The following MUC5AC variants were observed in gnomAD, a reference collection of about 807,000 sequenced individuals.
MUC5AC encodes the protein mucin-5AC.
MUC5AC carries 158 observed loss-of-function variants against 169.7 expected under a neutral mutation model. The ratio of observed to expected loss-of-function variants is 0.93; its 90% confidence interval spans 0.82 to 1.06. The LOEUF (loss-of-function observed/expected upper bound fraction) is 1.06, where lower values mean the gene tolerates loss of function less well. Among genes scored for constraint, MUC5AC ranks in the 50% least tolerant of loss-of-function variants. The pLI is 0.00. For missense variants in MUC5AC, 4,359 were observed against 3,089.9 expected, an observed-to-expected ratio of 1.41 and a Z score of -9.74; for synonymous variants, 1,975 against 1,237.0, an observed-to-expected ratio of 1.60 and a Z score of -12.52.
In MUC5AC at chr11:1,190,640, AACAACCAGCACAAACTCTGCTCCT is replaced by A; in HGVS notation, c.12509_12532del (p.Asn4170_Thr4177del). On this transcript the variant is annotated inframe_deletion, in exon 31 of 49. Transcript: ENST00000621226. Reference sequence around the variant, plus strand: ...CTACAACCAGCACAACCTCTGCTCCAACAACCAGCACAAACTCTGCTCCTACAACCAGCACAATCTCTGCCTCTA... The same window carrying A: ...CTACAACCAGCACAACCTCTGCTCCAACAACCAGCACAATCTCTGCCTCTA... The A allele has an allele frequency of 1.6e-6, 1 of 643,386 alleles. No homozygotes were observed. The highest frequency in any genetic ancestry group is 3.0e-5 in the East Asian group (1 of 33,324). 39.9% of individuals were successfully genotyped at this position (643,386 alleles called of 1,614,324 possible). A position where few individuals can be genotyped will look rare whatever the true frequency, so the allele number is the denominator to read the frequency against.
At position 1,195,950 on chromosome 11, in the gene MUC5AC, T is replaced by G. The variant is rs1248558730; in HGVS notation, c.15533T>G (p.Met5178Arg). The G allele has an allele frequency of 1.3e-6, 1 of 749,358 alleles. No homozygotes were observed. The highest frequency in any genetic ancestry group is 2.4e-6 in the Non-Finnish European group (1 of 408,276). The allele number at this position is 749,358 out of a possible 1,614,324, so 46.4% of individuals were successfully genotyped here. Residue 5178 changes from methionine to arginine, a missense_variant, in exon 37 of 49, where the codon ATG becomes AGG. Coordinates refer to ENST00000621226, the MANE Select transcript of MUC5AC (RefSeq NM_001304359.2). Reference sequence around the variant, plus strand: ...GGCTGCGTCTTTGACCGGTGCCACATGACGGACCTGGATGTGGTGTGCTCC... The same window carrying G: ...GGCTGCGTCTTTGACCGGTGCCACAGGACGGACCTGGATGTGGTGTGCTCC... ...YEGCVFDRCH[M>R]TDLDVVCSSL...
intron 16 of MUC5AC, among the ~76,000 whole-genome samples, chr11:1,173,101 CTCAT>C (rs1206168238): frequency 0.32 from 47,964 of 150,044 alleles, 9,334 homozygotes; most frequent in African/African-American, 0.56. Context: ...CACTCACTCA[CTCAT>C]TCATTCACTC....
At position 1,197,957 on chromosome 11, in the gene MUC5AC, C is replaced by T. The variant is rs765361615; in HGVS notation, c.16088C>T (p.Ala5363Val). ...GTGGGCTGTCCTGAGGGCGCCCGCG[C>T]GATCCCGACCTACCAGGAGGGGGCC... Reference protein sequence around the residue: ...APVGCPEGARAIPTYQEGACC... With the variant: ...APVGCPEGARVIPTYQEGACC... The change falls in exon 42 of 49, where the codon GCG becomes GTG. Residue 5363 changes from alanine to valine, a missense_variant. Transcript: ENST00000621226. 4.8e-5 allele frequency: 35 copies of T among 736,016 alleles called. No individual in the cohort carries two copies. Among genetic ancestry groups the T allele is most frequent in the Admixed American group, 2.5e-4 (14 of 55,354 alleles). The allele number at this position is 736,016 out of a possible 1,614,324, so 45.6% of individuals were successfully genotyped here. A position where few individuals can be genotyped will look rare whatever the true frequency, so the allele number is the denominator to read the frequency against.
At chr11:1,198,142 G>A (rs997120418) in intron 42 of MUC5AC, 126 bp from the exon 43 acceptor site, 4 of 685,884 alleles carry the variant, frequency 5.8e-6, no homozygotes, top group South Asian at 3.0e-5. Context: ...CCGCAGAGAT[G>A]AGGCTGGACA....
At position 1,183,800 on chromosome 11, in the gene MUC5AC, A is replaced by C; in HGVS notation, c.5655A>C (p.Thr1885=). The C allele has an allele frequency of 2.3e-6, 1 of 429,178 alleles. No individual in the cohort carries two copies. The allele number at this position is 429,178 out of a possible 1,614,324, so 26.6% of individuals were successfully genotyped here. Residue 1885 remains threonine (T), a synonymous_variant, in exon 31 of 49, where the codon ACA becomes ACC. Coordinates refer to ENST00000621226, the MANE Select transcript of MUC5AC (RefSeq NM_001304359.2). ...QASGSSAPSS[T]PGTVSLSTAR... is the part of the protein sequence containing the mutation. ...CAGGCTCCTCAGCCCCCAGCAGCAC[A>C]CCTGGCACCGTGTCTCTCTCTACAG...
At chr11:1,175,354 C>CA (rs1165828212) in intron 19 of MUC5AC, 84 bp downstream of exon 19, 37 of 398,490 alleles carry the variant, frequency 9.3e-5, no homozygotes, top group African/African-American at 6.8e-4. Context: ...GGGTTAGCCC[C>CA]ACCACAAGTC....
At chr11:1,198,346 G>A (rs773480773) in intron 43 of MUC5AC, 41 bp downstream of exon 43, 9 of 725,882 alleles carry the variant, frequency 1.2e-5, no homozygotes, top group Admixed American at 7.5e-5. Flanking sequence ...CCATAGGGAC[G>A]GAGCTTCCCA....
Position 1,196,376 on chromosome 11 carries a change from C to A in MUC5AC, c.15638-12C>A. On this transcript the variant is annotated splice_polypyrimidine_tract_variant and intron_variant, in intron 37 of 48. Coordinates refer to ENST00000621226, the MANE Select transcript of MUC5AC (RefSeq NM_001304359.2). ...CTCCCACCCTCTCAGGTGTGGCTTC[C>A]CCTCCCCACAGCATTCACCTGCCCA... The A allele has an allele frequency of 1.3e-6, 1 of 764,580 alleles. No homozygotes were observed. The highest frequency in any genetic ancestry group is 2.4e-5 in the East Asian group (1 of 41,226). The allele number at this position is 764,580 out of a possible 1,614,324, so 47.4% of individuals were successfully genotyped here.
Position 1,179,098 on chromosome 11 carries a change from C to T in MUC5AC, c.3334C>T (p.Pro1112Ser), listed in dbSNP as rs1027801962. 6 of 565,068 alleles carry T rather than the reference C, an allele frequency of 1.1e-5. 1 individual carries two copies. In the African/African-American group the frequency reaches 1.1e-4, roughly 11 times the overall value. The allele number at this position is 565,068 out of a possible 1,614,324, so 35.0% of individuals were successfully genotyped here. A position where few individuals can be genotyped will look rare whatever the true frequency, so the allele number is the denominator to read the frequency against. Residue 1112 changes from proline to serine, a missense_variant, in exon 26 of 49, where the codon CCG becomes TCG. Physicochemically the swap from Pro to Ser is moderately conservative, Grantham distance 74 (BLOSUM62 -1). Transcript: ENST00000621226. ...TFAACHAHVE[P>S]ARYYEACVND... ...GAAGCCCCGTCTCCCTCAGGTGGAGCCGGCCAGGTACTACGAGGCCTGCGT... is the reference window on the plus strand; with the variant it reads ...GAAGCCCCGTCTCCCTCAGGTGGAGTCGGCCAGGTACTACGAGGCCTGCGT...
Position 1,186,869 on chromosome 11 carries a change from A to G in MUC5AC, c.8724A>G (p.Thr2908=). Reference sequence around the variant, plus strand: ...CAACCTCTGCTCCTACAACCAGCACAACCTCTGCCCCTACAACCAGCACAA... The same window carrying G: ...CAACCTCTGCTCCTACAACCAGCACGACCTCTGCCCCTACAACCAGCACAA... The part of the protein sequence containing the change: ...TRTTSAPTTS[T]TSAPTTSTTS... The change falls in exon 31 of 49, where the codon ACA becomes ACG. Residue 2908 remains threonine (T), a synonymous_variant. Coordinates refer to ENST00000621226, the MANE Select transcript of MUC5AC (RefSeq NM_001304359.2). 3 of 733,144 alleles carry G rather than the reference A, an allele frequency of 4.1e-6. No individual in the cohort carries two copies. In the South Asian group the frequency reaches 4.2e-5, roughly 10 times the overall value. 45.4% of individuals were successfully genotyped at this position (733,144 alleles called of 1,614,324 possible).
In MUC5AC at chr11:1,158,048, G is replaced by A. The variant is rs780635086; in HGVS notation, c.49G>A (p.Ala17Thr). The A allele has an allele frequency of 6.8e-6, 11 of 1,608,008 alleles. 1 individual carries two copies. Among genetic ancestry groups the A allele is most frequent in the South Asian group, 4.4e-5 (4 of 89,958 alleles). Residue 17 changes from alanine to threonine, a missense_variant, in exon 1 of 49, where the codon GCT becomes ACT. By Grantham distance (58) the Ala-to-Thr change is moderately conservative. Coordinates refer to ENST00000621226, the MANE Select transcript of MUC5AC (RefSeq NM_001304359.2). ...GGCCCTGCTCTGGGCCCTGGCTCTC[G>A]CTCTGGCCTGCACCCGGCATACAGG... is the stretch of plus-strand genomic sequence containing the variant. ...KLALLWALAL[A>T]LACTRHTGHA...
At position 1,189,330 on chromosome 11, in the gene MUC5AC, A is replaced by G; in HGVS notation, c.11185A>G (p.Thr3729Ala). ...TTSSAPTSST[T>A]SAPTTSTISA... ...ATCCTCTGCCCCTACAAGCAGCACA[A>G]CCTCGGCTCCTACCACCAGCACAAT... is the stretch of plus-strand genomic sequence containing the variant. The change falls in exon 31 of 49, where the codon ACC becomes GCC. Residue 3729 changes from threonine (T) to alanine (A), a missense_variant. Transcript: ENST00000621226. 1 of 572,822 alleles carries G rather than the reference A, an allele frequency of 1.7e-6. No homozygotes were observed. The highest frequency in any genetic ancestry group is 3.1e-6 in the Non-Finnish European group (1 of 323,412). 35.5% of individuals were successfully genotyped at this position (572,822 alleles called of 1,614,324 possible). A position where few individuals can be genotyped will look rare whatever the true frequency, so the allele number is the denominator to read the frequency against.
At chr11:1,195,577 G>A (rs1590152684) in intron 36 of MUC5AC, among the ~76,000 whole-genome samples, 1 of 152,084 alleles carries the variant, frequency 6.6e-6, no homozygotes, top group South Asian at 2.1e-4. Context: ...GTGTATGGAC[G>A]GGGGCATCGG....
intron 15 of MUC5AC, among the ~76,000 whole-genome samples, chr11:1,171,190 CACTT>C (rs1385424538): frequency 9.7e-5 from 14 of 144,044 alleles, no homozygotes; most frequent in Non-Finnish European, 1.7e-4. Context: ...CACACTCACT[CACTT>C]ACTCACTCAC....
chr11:1,175,553 AC>A (rs1433401998), intron 19 of MUC5AC, among the ~76,000 whole-genome samples: 7 of 139,376 alleles, frequency 5.0e-5, no homozygotes, highest in Non-Finnish European at 9.5e-5. Flanking sequence ...ATTCATGCAC[AC>A]ACTCACACTC....
intron 37 of MUC5AC, 95 bp from the exon 38 acceptor site, chr11:1,196,293 G>A (rs779512338): frequency 2.5e-4 from 180 of 720,346 alleles, no homozygotes; most frequent in Non-Finnish European, 4.1e-4. Flanking sequence ...AGGTGGCTGC[G>A]GGCAGCTCCG....
intron 24 of MUC5AC, among the ~76,000 whole-genome samples, 166 bp from the exon 25 acceptor site, chr11:1,178,278 G>A (rs994623942): frequency 6.6e-6 from 1 of 152,150 alleles, no homozygotes; most frequent in Non-Finnish European, 1.5e-5. Context: ...GTAGCTGGAG[G>A]TGGGAAGGAG....
chr11:1,200,367 G>A (rs1399203033), intron 48 of MUC5AC, 71 bp from the exon 49 acceptor site: 5 of 621,688 alleles, frequency 8.0e-6, no homozygotes, highest in Non-Finnish European at 1.2e-5. Flanking sequence ...CCCAGAGCTC[G>A]GCACGGCGCC....
chr11:1,165,814 C>A, intron 11 of MUC5AC, 54 bp downstream of exon 11: 1 of 1,602,378 alleles, frequency 6.2e-7, no homozygotes, highest in South Asian at 1.1e-5. Flanking sequence ...CATGGCCAGC[C>A]TCCCACAGGC....
Sources: allele counts gnomAD v4.1 joint callset (sites outside exome capture counted in the v4.1 genomes callset), GRCh38; gene constraint gnomAD v4.1.1; transcripts MANE v1.5; gene names NCBI Gene and HGNC (gene_info 2026-07-23, HGNC 2026-07-21).